Variants in FCHSD2 observed in about 807,000 individuals in gnomAD.
The protein encoded by FCHSD2 is FCH and double SH3 domains 2, also known as F-BAR and double SH3 domains protein 2.
A neutral mutation model predicts 108.1 loss-of-function variants in FCHSD2; 38 were observed. The observed-to-expected ratio is 0.35, with a 90% CI of 0.27 to 0.46. The LOEUF (loss-of-function observed/expected upper bound fraction) is 0.46. FCHSD2 is among the 20% of genes least tolerant of loss of function. The pLI, the probability that FCHSD2 is intolerant of heterozygous loss-of-function variation, is 1.00. For missense variants in FCHSD2, 751 were observed against 897.8 expected, an observed-to-expected ratio of 0.84 and a Z score of 2.09; for synonymous variants, 279 against 314.7, an observed-to-expected ratio of 0.89 and a Z score of 1.20.
At chr11:72,977,013 C>T (rs1857117038) in intron 8 of FCHSD2, among the ~76,000 whole-genome samples, 1 of 151,812 alleles carries the variant, frequency 6.6e-6, no homozygotes, top group African/African-American at 2.4e-5. Flanking sequence ...GTGACCTCCA[C>T]TTCCCGGTTC....
At chr11:73,096,987 A>AATTTTTTTTTTTTTTTTTTT (rs1860095700) in intron 2 of FCHSD2, among the ~76,000 whole-genome samples, 2 of 27,022 alleles carry the variant, frequency 7.4e-5, no homozygotes, top group African/African-American at 4.0e-4. Context: ...TCATTGATGG[A>AATTTTTTTTTTTTTTTTTTT]TTTTTTTTTT....
At chr11:73,130,334 T>C (rs1860967237) in intron 2 of FCHSD2, among the ~76,000 whole-genome samples, 4 of 152,218 alleles carry the variant, frequency 2.6e-5, no homozygotes, top group Non-Finnish European at 4.4e-5. Flanking sequence ...CATAGCTCAC[T>C]GTGGGCTCAA....
intron 3 of FCHSD2, among the ~76,000 whole-genome samples, chr11:73,054,061 GCTGT>G (rs1018746497): frequency 2.0e-5 from 3 of 152,144 alleles, no homozygotes; most frequent in Non-Finnish European, 4.4e-5. Flanking sequence ...ATTCTAGCCT[GCTGT>G]CTGTTTCACT....
chr11:72,867,647 T>C, intron 13 of FCHSD2, among the ~76,000 whole-genome samples: 1 of 152,182 alleles, frequency 6.6e-6, no homozygotes, highest in East Asian at 1.9e-4. Flanking sequence ...AGTGATAACA[T>C]ATTCTTCATC....
chr11:73,033,336 G>A (rs930590235), intron 3 of FCHSD2, among the ~76,000 whole-genome samples: 2 of 151,694 alleles, frequency 1.3e-5, no homozygotes, highest in Non-Finnish European at 2.9e-5. Context: ...ACCCATAGGA[G>A]GCTACCACTC....
At chr11:73,082,489 C>T (rs750835727) in intron 3 of FCHSD2, among the ~76,000 whole-genome samples, 4 of 151,806 alleles carry the variant, frequency 2.6e-5, no homozygotes, top group Non-Finnish European at 5.9e-5. Context: ...GTCTAGCTTT[C>T]AAGGAATAGG....
At position 72,950,715 on chromosome 11, in the gene FCHSD2, A is replaced by C. The variant is rs367943180; in HGVS notation, c.706-28765T>G. Among the ~76,000 whole-genome samples, 3 of 152,132 alleles carry C rather than the reference A, an allele frequency of 2.0e-5. No homozygotes were observed. The East Asian group carries it at 5.8e-4, about 29-fold the overall frequency. On this transcript the variant is annotated intron_variant, in intron 8 of 19. Coordinates refer to ENST00000409418, the MANE Select transcript of FCHSD2 (RefSeq NM_014824.3). ...TTCCTTATTTCTTTTAGGATATTTT[A>C]ATTTTTCATTTATAAGAATACTTAA...
intron 13 of FCHSD2, among the ~76,000 whole-genome samples, chr11:72,865,800 G>A (rs1205815951): frequency 6.6e-6 from 1 of 152,166 alleles, no homozygotes; most frequent in African/African-American, 2.4e-5. Context: ...AGAAACCCAA[G>A]AGAAGTGACT....
At chr11:73,105,770 A>T (rs953757944) in intron 2 of FCHSD2, among the ~76,000 whole-genome samples, 3 of 152,214 alleles carry the variant, frequency 2.0e-5, no homozygotes, top group African/African-American at 7.2e-5. Context: ...TTTAAGTTTT[A>T]CATAATCATA....
At chr11:72,970,981 A>G (rs767677979) in intron 8 of FCHSD2, among the ~76,000 whole-genome samples, 3 of 152,202 alleles carry the variant, frequency 2.0e-5, no homozygotes, top group Non-Finnish European at 4.4e-5. Context: ...GAAACGTGAG[A>G]TAGCAAGCCC....
At chr11:72,951,031 A>C (rs1856611697) in intron 8 of FCHSD2, among the ~76,000 whole-genome samples, 1 of 152,198 alleles carries the variant, frequency 6.6e-6, no homozygotes, top group Admixed American at 6.5e-5. Context: ...AACTCAAATA[A>C]ATCAATGACA....
At chr11:73,037,877 C>T (rs1296254646) in intron 3 of FCHSD2, among the ~76,000 whole-genome samples, 9 of 152,206 alleles carry the variant, frequency 5.9e-5, no homozygotes, top group Admixed American at 5.9e-4. Flanking sequence ...AGGCAGTTCT[C>T]TGGGATATCC....
At chr11:73,127,779 T>C (rs917359896) in intron 2 of FCHSD2, among the ~76,000 whole-genome samples, 1 of 151,202 alleles carries the variant, frequency 6.6e-6, no homozygotes, top group Admixed American at 6.6e-5. Flanking sequence ...ACTAATGCCT[T>C]CACCTGAGAA....
rs1256554512 is a variant in FCHSD2 at position 73,142,291 on chromosome 11, C to T, written c.-414G>A. The T allele has an allele frequency of 6.6e-6, 1 of 151,714 alleles. No homozygotes were observed. The highest frequency in any genetic ancestry group is 1.5e-5 in the Non-Finnish European group (1 of 68,056). 9.4% of individuals were successfully genotyped at this position (151,714 alleles called of 1,614,324 possible). A position where few individuals can be genotyped will look rare whatever the true frequency, so the allele number is the denominator to read the frequency against. ...CCGGCGGACGCAGCGGCCCCCACCC[C>T]ACCCACTCAGGCGGCCCGGCCCTCG... On this transcript the variant is annotated 5_prime_UTR_variant, in exon 1 of 20. Transcript: ENST00000409418.
intron 3 of FCHSD2, among the ~76,000 whole-genome samples, chr11:73,056,964 T>C (rs946815842): frequency 3.0e-4 from 46 of 152,142 alleles, no homozygotes; most frequent in African/African-American, 9.4e-4. Flanking sequence ...GCGCCTGTAG[T>C]CCCAGCTACT....
chr11:73,103,465 A>T (rs1860269813), intron 2 of FCHSD2, among the ~76,000 whole-genome samples: 1 of 152,202 alleles, frequency 6.6e-6, no homozygotes, highest in Admixed American at 6.5e-5. Context: ...TCATTACCTG[A>T]ATCCCTAGGG....
At chr11:72,915,971 A>G (rs919132844) in intron 9 of FCHSD2, among the ~76,000 whole-genome samples, 1 of 152,202 alleles carries the variant, frequency 6.6e-6, no homozygotes, top group African/African-American at 2.4e-5. Context: ...TAGGAACAGA[A>G]AAGCAAATAC....
In FCHSD2 at chr11:72,898,683, T is replaced by C. The variant is rs532576441; in HGVS notation, c.924+3860A>G. ...TTTCAAACTTTTCTGGCTCTAATGC[T>C]TATTAGCTGAGTGACCTTGAGCAAA... On this transcript the variant is annotated intron_variant, in intron 10 of 19. Coordinates refer to ENST00000409418, the MANE Select transcript of FCHSD2 (RefSeq NM_014824.3). Among the ~76,000 whole-genome samples the C allele has an allele frequency of 1.1e-4, 16 of 152,178 alleles. No individual in the cohort carries two copies. In the South Asian group the frequency reaches 3.3e-3, roughly 32 times the overall value.
At chr11:72,873,284 G>C (rs964659955) in intron 12 of FCHSD2, among the ~76,000 whole-genome samples, 4 of 151,080 alleles carry the variant, frequency 2.6e-5, no homozygotes, top group Non-Finnish European at 5.9e-5. Flanking sequence ...AACCGAGATC[G>C]CGCCACTGCA....
Sources: gnomAD v4.1 joint callset for allele counts (sites outside exome capture counted in the v4.1 genomes callset) on GRCh38, gnomAD v4.1.1 for gene constraint, MANE v1.5 for transcripts, NCBI Gene and HGNC (gene_info 2026-07-23, HGNC 2026-07-21) for gene names.